The following FCGR3A variants were observed in gnomAD, a reference collection of about 807,000 sequenced individuals.
The protein encoded by FCGR3A is low affinity immunoglobulin gamma Fc region receptor III-A.
In FCGR3A, 13 loss-of-function variants were observed where a neutral mutation model predicts 24.1. That is an observed-to-expected ratio of 0.54 (90% CI 0.35 to 0.86). FCGR3A has a LOEUF of 0.86. Ranked by LOEUF, FCGR3A falls within the 40% of genes least tolerant of loss-of-function variation. The probability of loss-of-function intolerance (pLI) is 0.01; values close to 1 mark genes in which losing one functional copy is unlikely to be tolerated. For synonymous variants in FCGR3A, 93 were observed against 112.2 expected (o/e 0.83, Z 1.08); for missense variants, 235 against 298.0 (o/e 0.79, Z 1.56).
Position 161,548,571 on chromosome 1 carries a change from A to T in FCGR3A, c.169T>A (p.Ser57Thr), listed in dbSNP as rs750369174. The T allele has an allele frequency of 3.7e-5, 59 of 1,613,850 alleles. No homozygotes were observed. The South Asian group carries it at 6.0e-4, about 17-fold the overall frequency. The change falls in exon 3 of 5, where the codon TCC becomes ACC. Residue 57 changes from serine to threonine, a missense_variant. Coordinates refer to ENST00000443193, the MANE Select transcript of FCGR3A (RefSeq NM_000569.8). ...CQGAYSPEDN[S>T]TQWFHNESLI... ...CTCTCATTGTGAAACCACTGTGTGGAATTGTCCTCAGGGGAGTAGGCTCCC... is the reference window on the plus strand; with the variant it reads ...CTCTCATTGTGAAACCACTGTGTGGTATTGTCCTCAGGGGAGTAGGCTCCC...
Position 161,542,995 on chromosome 1 carries a change from C to A in FCGR3A, c.*17G>T, listed in dbSNP as rs768148652. ...GATGCTGCTGCTACTGCTCTTATTA[C>A]CCCCATGGGATGGGGGTCATTTGTC... is the stretch of plus-strand genomic sequence containing the variant. On this transcript the variant is annotated 3_prime_UTR_variant, in exon 5 of 5. Transcript: ENST00000443193. 1.0e-5 allele frequency: 16 copies of A among 1,593,128 alleles called. No individual in the cohort carries two copies. The Admixed American group carries it at 2.6e-4, about 26-fold the overall frequency.
In FCGR3A at chr1:161,541,987, C is replaced by T. The variant is rs896881213; in HGVS notation, c.*1025G>A. On this transcript the variant is annotated 3_prime_UTR_variant, in exon 5 of 5. Coordinates refer to ENST00000443193, the MANE Select transcript of FCGR3A (RefSeq NM_000569.8). The stretch of plus-strand genomic sequence containing the variant: ...AGTTTCATAACTTAACTCAGCGAAG[C>T]TCAGTAGTACATTTAGTATTGGTTA... The T allele has an allele frequency of 1.3e-5, 2 of 152,242 alleles. No individual in the cohort carries two copies. The highest frequency in any genetic ancestry group is 4.8e-5 in the African/African-American group (2 of 41,408). 9.4% of individuals were successfully genotyped at this position (152,242 alleles called of 1,614,324 possible). A position where few individuals can be genotyped will look rare whatever the true frequency, so the allele number is the denominator to read the frequency against.
Position 161,542,901 on chromosome 1 carries a change from T to G in FCGR3A, c.*111A>C, listed in dbSNP as rs1045390863. 3 of 849,054 alleles carry G rather than the reference T, an allele frequency of 3.5e-6. No individual in the cohort carries two copies. In the African/African-American group the frequency reaches 5.1e-5, roughly 14 times the overall value. 52.6% of individuals were successfully genotyped at this position (849,054 alleles called of 1,614,324 possible). On this transcript the variant is annotated 3_prime_UTR_variant, in exon 5 of 5. Transcript: ENST00000443193. Reference sequence around the variant, plus strand: ...TTGGATAAGGGATCTGGCTCTGAGTTCTATGTTTCCTGCTGCTTGTAGAGA... The same window carrying G: ...TTGGATAAGGGATCTGGCTCTGAGTGCTATGTTTCCTGCTGCTTGTAGAGA...
chr1:161,544,666 C>A, intron 4 of FCGR3A, 35 bp downstream of exon 4: 1 of 1,602,240 alleles, frequency 6.2e-7, no homozygotes, highest in East Asian at 2.2e-5. Flanking sequence ...CACACACAGG[C>A]GTCCCTGGGC....
At position 161,549,717 on chromosome 1, in the gene FCGR3A, G is replaced by T. The variant is rs138987073; in HGVS notation, c.20C>A (p.Pro7Gln). The change falls in exon 1 of 5, where the codon CCA becomes CAA. Residue 7 changes from proline (P) to glutamine (Q), a missense_variant. Pro to Gln is a moderately conservative substitution (Grantham distance 76). Transcript: ENST00000443193. Reference sequence around the variant, plus strand: ...CTTACCTAGAAGTAGCAGAGCAGTTGGGAGGAGCAGCTGCCACATGATGCC... The same window carrying T: ...CTTACCTAGAAGTAGCAGAGCAGTTTGGAGGAGCAGCTGCCACATGATGCC... MWQLLLPTALLLLVSAG... is the reference protein window; with the variant it reads MWQLLLQTALLLLVSAG... 1.3e-5 allele frequency: 21 copies of T among 1,613,912 alleles called. 1 individual carries two copies. The highest frequency in any genetic ancestry group is 1.7e-5 in the Non-Finnish European group (20 of 1,179,908).
intron 2 of FCGR3A, 107 bp downstream of exon 2, chr1:161,548,904 A>G: frequency 2.4e-6 from 3 of 1,247,210 alleles, no homozygotes; most frequent in Non-Finnish European, 3.5e-6. Flanking sequence ...ATCCCTGCTA[A>G]CCCCACATCA....
chr1:161,549,746 C>T lies in FCGR3A; in HGVS notation c.-10G>A. On this transcript the variant is annotated 5_prime_UTR_variant, in exon 1 of 5. In the 5' UTR this introduces an upstream ATG that the reference lacks. Coordinates refer to ENST00000443193, the MANE Select transcript of FCGR3A (RefSeq NM_000569.8). ...GGAGCAGCTGCCACATGATGCCACA[C>T]TGGAGTGGACAAGTCACCAAAGATA... The T allele has an allele frequency of 6.2e-7, 1 of 1,613,962 alleles. No homozygotes were observed. Among genetic ancestry groups the T allele is most frequent in the Non-Finnish European group, 8.5e-7 (1 of 1,179,914 alleles).
At position 161,549,796 on chromosome 1, in the gene FCGR3A, C is replaced by G. The variant is rs546012471; in HGVS notation, c.-60G>C. On this transcript the variant is annotated 5_prime_UTR_variant, in exon 1 of 5. Transcript: ENST00000443193. ...ATCCGGAGCCCTAAAGGGACCAAACCGACTAGACAGGAGGAAGTAAACAGC... is the reference window on the plus strand; with the variant it reads ...ATCCGGAGCCCTAAAGGGACCAAACGGACTAGACAGGAGGAAGTAAACAGC... 1.5e-5 allele frequency: 25 copies of G among 1,613,886 alleles called. No homozygotes were observed. Among genetic ancestry groups the G allele is most frequent in the Non-Finnish European group, 1.8e-5 (21 of 1,179,902 alleles).
rs372497633 is a variant in FCGR3A, at chr1:161,549,051, T to A, written c.41-20A>T. The A allele has an allele frequency of 5.7e-6, 9 of 1,581,196 alleles. No individual in the cohort carries two copies. In the African/African-American group the frequency reaches 1.2e-4, roughly 21 times the overall value. ...CTGAAACTGCAAGAAAAAAGATAAA[T>A]CAAATATTGAGTAGGGGCAGAGATC... On this transcript the variant is annotated intron_variant, in intron 1 of 4. Coordinates refer to ENST00000443193, the MANE Select transcript of FCGR3A (RefSeq NM_000569.8).
At position 161,548,524 on chromosome 1, in the gene FCGR3A, C is replaced by T. The variant is rs114535887; in HGVS notation, c.216G>A (p.Ser72=). Reference sequence around the variant, plus strand: ...CTGTGGCAGCGTCAATGAAGTAGCTCGAGGCCTGGCTTGAGATGAGGCTCT... The same window carrying T: ...CTGTGGCAGCGTCAATGAAGTAGCTTGAGGCCTGGCTTGAGATGAGGCTCT... ...HNESLISSQA[S]SYFIDAATVD... The change falls in exon 3 of 5, where the codon TCG becomes TCA. Residue 72 remains serine (S), a synonymous_variant. Coordinates refer to ENST00000443193, the MANE Select transcript of FCGR3A (RefSeq NM_000569.8). 73,185 of 1,611,932 alleles carry T rather than the reference C, an allele frequency of 0.045. 10 individuals are homozygous for T. Among genetic ancestry groups the T allele is most frequent in the Middle Eastern group, 0.051 (311 of 6,056 alleles).
At chr1:161,548,250 A>G (rs921169747) in intron 3 of FCGR3A, among the ~76,000 whole-genome samples, 171 bp downstream of exon 3, 1 of 152,298 alleles carries the variant, frequency 6.6e-6, no homozygotes, top group South Asian at 2.1e-4. Flanking sequence ...CATTTTGCCC[A>G]AGACCTACTT....
At chr1:161,550,217 T>G (rs1236020922), upstream of FCGR3A, 1 of 449,998 alleles carries the variant, frequency 2.2e-6, no homozygotes, top group Non-Finnish European at 3.9e-6. Flanking sequence ...CCCATCTATC[T>G]CCAGCTGAGG....
chr1:161,543,411 C>T (rs1226948010), intron 4 of FCGR3A, among the ~76,000 whole-genome samples: 1 of 152,160 alleles, frequency 6.6e-6, no homozygotes, highest in East Asian at 1.9e-4. Flanking sequence ...AAACACTGAG[C>T]AAAGGCTCCT....
upstream of FCGR3A, chr1:161,550,115 A>C (rs1677692045): frequency 3.8e-6 from 2 of 526,480 alleles, no homozygotes; most frequent in Non-Finnish European, 6.7e-6. Context: ...GGACAGTGAG[A>C]CCCTGGGGAT....
chr1:161,547,333 C>A (rs1370842444), intron 3 of FCGR3A, among the ~76,000 whole-genome samples: 1 of 152,136 alleles, frequency 6.6e-6, no homozygotes, highest in Non-Finnish European at 1.5e-5. Context: ...CTTGCAGATC[C>A]ACCTCCTTAT....
upstream of FCGR3A, chr1:161,550,616 G>GGGCTCCAGGGCTCCA (rs55857641): frequency 1.7e-5 from 2 of 119,822 alleles, no homozygotes; most frequent in Admixed American, 8.9e-5. Flanking sequence ...CCTAGGAGCC[G>GGGCTCCAGGGCTCCA]GGGCTCCAGG....
intron 3 of FCGR3A, among the ~76,000 whole-genome samples, chr1:161,546,627 T>G (rs1354399918): frequency 6.6e-6 from 1 of 151,968 alleles, no homozygotes; most frequent in East Asian, 1.9e-4. Flanking sequence ...AAATGCAGGC[T>G]GGGCGCGGTG....
chr1:161,542,821 T>C lies in FCGR3A; in HGVS notation c.*191A>G. The C allele has an allele frequency of 4.0e-6, 2 of 497,520 alleles. No homozygotes were observed. Among genetic ancestry groups the C allele is most frequent in the East Asian group, 6.1e-5 (2 of 32,556 alleles). 30.8% of individuals were successfully genotyped at this position (497,520 alleles called of 1,614,324 possible). A position where few individuals can be genotyped will look rare whatever the true frequency, so the allele number is the denominator to read the frequency against. ...ATGCAGCTACTCACTGGGGCTTCCC[T>C]GCTTGAAGATCATGGGCTTTTCCCT... On this transcript the variant is annotated 3_prime_UTR_variant, in exon 5 of 5. Transcript: ENST00000443193.
At chr1:161,550,371 C>G (rs1677706193), upstream of FCGR3A, among the ~76,000 whole-genome samples, 1 of 151,868 alleles carries the variant, frequency 6.6e-6, no homozygotes, top group South Asian at 2.1e-4. Flanking sequence ...TCCACAGGAG[C>G]TACTGACTTT....
Sources: gnomAD v4.1 joint callset for allele counts (sites outside exome capture counted in the v4.1 genomes callset) on GRCh38, gnomAD v4.1.1 for gene constraint, MANE v1.5 for transcripts, NCBI Gene and HGNC (gene_info 2026-07-23, HGNC 2026-07-21) for gene names.